TRHDE: variants seen among roughly 807,000 people sequenced by gnomAD.
The protein encoded by TRHDE is thyrotropin-releasing hormone-degrading ectoenzyme.
TRHDE carries 72 observed loss-of-function variants against 125.7 expected under a neutral mutation model. The ratio of observed to expected loss-of-function variants is 0.57; its 90% confidence interval spans 0.47 to 0.70. TRHDE has a LOEUF of 0.70. Among genes scored for constraint, TRHDE ranks in the 30% least tolerant of loss-of-function variants. TRHDE has a pLI of 0.00. For missense variants in TRHDE, 1,110 were observed against 1,327.1 expected (o/e 0.84, Z 2.54); for synonymous variants, 509 against 509.1 (o/e 1.00, Z 0.00).
chr12:72,425,830 C>T (rs1242408304), intron 3 of TRHDE, among the ~76,000 whole-genome samples: 1 of 151,924 alleles, frequency 6.6e-6, no homozygotes, highest in African/African-American at 2.4e-5. Flanking sequence ...AAACCATACT[C>T]AGTGTTGTAG....
chr12:72,482,978 G>T (rs1051425664), intron 5 of TRHDE, among the ~76,000 whole-genome samples: 2 of 151,878 alleles, frequency 1.3e-5, no homozygotes, highest in Non-Finnish European at 2.9e-5. Context: ...AAAATAATTT[G>T]GCTTCCTACA....
chr12:72,562,691 G>A (rs1383939629), intron 8 of TRHDE, among the ~76,000 whole-genome samples, 162 bp from the exon 9 acceptor site: 1 of 151,756 alleles, frequency 6.6e-6, no homozygotes, highest in Non-Finnish European at 1.5e-5. Flanking sequence ...GCTTAACTTA[G>A]GGCAAGAAGA....
chr12:72,350,585 C>A (rs1456188300), intron 2 of TRHDE, among the ~76,000 whole-genome samples: 1 of 151,632 alleles, frequency 6.6e-6, no homozygotes, highest in Admixed American at 6.6e-5. Context: ...ATGTATAGGC[C>A]CCTAATTCCA....
In TRHDE at chr12:72,669,928, A is replaced by G. The variant is rs1360722607; in HGVS notation, c.*6733A>G. The G allele has an allele frequency of 6.6e-6, 1 of 151,726 alleles. No homozygotes were observed. The highest frequency in any genetic ancestry group is 1.9e-4 in the East Asian group (1 of 5,152). The allele number at this position is 151,726 out of a possible 1,614,324, so 9.4% of individuals were successfully genotyped here. A position where few individuals can be genotyped will look rare whatever the true frequency, so the allele number is the denominator to read the frequency against. The stretch of plus-strand genomic sequence containing the variant: ...GAAAACAGATTAGGGCTGAAAAACT[A>G]AAAAAGATTAGGGCTTGTATTATGC... On this transcript the variant is annotated 3_prime_UTR_variant, in exon 19 of 19. Coordinates refer to ENST00000261180, the MANE Select transcript of TRHDE (RefSeq NM_013381.3).
intron 2 of TRHDE, among the ~76,000 whole-genome samples, chr12:72,115,423 C>G (rs571426439): frequency 6.6e-6 from 1 of 152,076 alleles, no homozygotes; most frequent in East Asian, 1.9e-4. Context: ...ATATAAGTAC[C>G]ACACTTTGTT....
At chr12:72,141,926 G>T (rs1271812116) in intron 2 of TRHDE, among the ~76,000 whole-genome samples, 2 of 152,084 alleles carry the variant, frequency 1.3e-5, no homozygotes, top group East Asian at 3.9e-4. Flanking sequence ...TTGGCAGCTG[G>T]TGCCAGGGAG....
At chr12:72,169,111 A>G (rs1306948383) in intron 2 of TRHDE, among the ~76,000 whole-genome samples, 2 of 151,876 alleles carry the variant, frequency 1.3e-5, no homozygotes, top group Non-Finnish European at 2.9e-5. Context: ...TATCCTCTCC[A>G]GTTCTCAAGT....
At chr12:72,395,980 A>G (rs1872771693) in intron 3 of TRHDE, among the ~76,000 whole-genome samples, 1 of 151,866 alleles carries the variant, frequency 6.6e-6, no homozygotes. Flanking sequence ...ATCTAGCTGC[A>G]TCTGTACTCA....
chr12:72,155,193 T>G (rs1008086436), intron 2 of TRHDE, among the ~76,000 whole-genome samples: 1 of 152,252 alleles, frequency 6.6e-6, no homozygotes, highest in Non-Finnish European at 1.5e-5. Context: ...AATTGGCTAC[T>G]GAGGCTTGTG....
chr12:72,372,340 TG>T (rs1871641419), intron 2 of TRHDE, among the ~76,000 whole-genome samples: 1 of 152,158 alleles, frequency 6.6e-6, no homozygotes, highest in African/African-American at 2.4e-5. Flanking sequence ...TTTTGTAGGT[TG>T]CCTGTTCACT....
chr12:72,332,172 T>C (rs1869629771), intron 2 of TRHDE, among the ~76,000 whole-genome samples: 1 of 151,890 alleles, frequency 6.6e-6, no homozygotes, highest in Non-Finnish European at 1.5e-5. Context: ...GGAGTCTCGC[T>C]CTGTCATCCA....
Position 72,664,954 on chromosome 12 carries a change from T to A in TRHDE, c.*1759T>A, listed in dbSNP as rs1432557023. The stretch of plus-strand genomic sequence containing the variant: ...TCATTCAATTAAAATACATGAATTT[T>A]AAATATTTTACATGATGTGAATAGG... On this transcript the variant is annotated 3_prime_UTR_variant, in exon 19 of 19. Transcript: ENST00000261180. 1.3e-5 allele frequency: 2 copies of A among 152,048 alleles called. No homozygotes were observed. 9.4% of individuals were successfully genotyped at this position (152,048 alleles called of 1,614,324 possible).
In TRHDE at chr12:72,609,505, T is replaced by C. The variant is rs1015155844; in HGVS notation, c.2322-9386T>C. 3.3e-5 allele frequency among the ~76,000 whole-genome samples: 5 copies of C among 152,276 alleles called. No homozygotes were observed. In the East Asian group the frequency reaches 5.8e-4, roughly 18 times the overall value. On this transcript the variant is annotated intron_variant, in intron 12 of 18. Transcript: ENST00000261180. Reference sequence around the variant, plus strand: ...CGGGGGAACATGTGCAAGTTTGTCATATAGGTAAATTGCAAGTCATAGAGA... The same window carrying C: ...CGGGGGAACATGTGCAAGTTTGTCACATAGGTAAATTGCAAGTCATAGAGA...
intron 3 of TRHDE, among the ~76,000 whole-genome samples, chr12:72,467,740 G>A (rs868043521): frequency 9.2e-5 from 14 of 152,086 alleles, no homozygotes; most frequent in Middle Eastern, 3.2e-3. Flanking sequence ...GCTTGAACCC[G>A]GGAGGCGGAG....
chr12:72,621,079 T>G (rs1873032160), intron 13 of TRHDE, 29 bp from the exon 14 acceptor site: 1 of 1,296,284 alleles, frequency 7.7e-7, no homozygotes, highest in Admixed American at 1.8e-5. Flanking sequence ...AAACTGACCT[T>G]ATCTTTATTT....
chr12:72,636,864 A>G (rs1459232743), intron 15 of TRHDE, among the ~76,000 whole-genome samples: 6 of 152,048 alleles, frequency 3.9e-5, no homozygotes, highest in African/African-American at 1.4e-4. Flanking sequence ...CCACTTGATC[A>G]TGGTGGATAA....
intron 15 of TRHDE, among the ~76,000 whole-genome samples, chr12:72,634,903 G>C (rs966468934): frequency 6.6e-6 from 1 of 152,020 alleles, no homozygotes; most frequent in Non-Finnish European, 1.5e-5. Flanking sequence ...GTCTATCATT[G>C]ATGGACCTTT....
At chr12:72,260,253 C>G (rs1228876174) in intron 2 of TRHDE, among the ~76,000 whole-genome samples, 1 of 152,148 alleles carries the variant, frequency 6.6e-6, no homozygotes, top group East Asian at 1.9e-4. Context: ...AACATCTACT[C>G]AAATTCTTTC....
At chr12:72,371,462 A>C (rs1382655407) in intron 2 of TRHDE, among the ~76,000 whole-genome samples, 1 of 151,652 alleles carries the variant, frequency 6.6e-6, no homozygotes, top group Non-Finnish European at 1.5e-5. Context: ...ATATATGTAT[A>C]CATGTGCCAT....
Sources: gnomAD v4.1 joint callset for allele counts (sites outside exome capture counted in the v4.1 genomes callset) on GRCh38, gnomAD v4.1.1 for gene constraint, MANE v1.5 for transcripts, NCBI Gene and HGNC (gene_info 2026-07-23, HGNC 2026-07-21) for gene names.